Variants in MYT1L observed in about 807,000 individuals in gnomAD.
MYT1L encodes myelin transcription factor 1-like protein.
In MYT1L, 12 loss-of-function variants were observed where a neutral mutation model predicts 126.7. The ratio of observed to expected loss-of-function variants is 0.09; its 90% CI spans 0.06 to 0.15. The LOEUF (loss-of-function observed/expected upper bound fraction) is 0.15. Among genes scored for constraint, MYT1L ranks in the 10% least tolerant of loss-of-function variants. MYT1L has a pLI of 1.00. For missense variants in MYT1L, 979 were observed against 1,585.2 expected (o/e 0.62, Z 6.49); for synonymous variants, 541 against 604.2 (o/e 0.90, Z 1.53).
chr2:1,875,793 C>T (rs769028202), intron 18 of MYT1L, among the ~76,000 whole-genome samples: 20 of 152,174 alleles, frequency 1.3e-4, no homozygotes, highest in Non-Finnish European at 2.6e-4. Flanking sequence ...ACCTAAGCCT[C>T]GGCCTGCTTT....
intron 3 of MYT1L, among the ~76,000 whole-genome samples, chr2:2,070,403 C>T (rs1376086400): frequency 6.6e-6 from 1 of 152,176 alleles, no homozygotes; most frequent in Non-Finnish European, 1.5e-5. Flanking sequence ...TGGGGGAAGC[C>T]ACTCTTGCTT....
chr2:1,851,460 G>A (rs996427788), intron 19 of MYT1L, among the ~76,000 whole-genome samples, 181 bp downstream of exon 19: 1 of 152,196 alleles, frequency 6.6e-6, no homozygotes, highest in Non-Finnish European at 1.5e-5. Context: ...GAAAAGGAAG[G>A]TTTGCTTTCT....
At chr2:1,980,153 T>C (rs2060493112) in intron 5 of MYT1L, among the ~76,000 whole-genome samples, 1 of 148,668 alleles carries the variant, frequency 6.7e-6, no homozygotes, top group African/African-American at 2.4e-5. Flanking sequence ...TATAAGAAGG[T>C]AAATATATAT....
intron 2 of MYT1L, among the ~76,000 whole-genome samples, chr2:2,177,937 C>G (rs2091005511): frequency 6.6e-6 from 1 of 152,168 alleles, no homozygotes; most frequent in Non-Finnish European, 1.5e-5. Context: ...AGTGTGGACA[C>G]AGACCCAGTG....
intron 2 of MYT1L, among the ~76,000 whole-genome samples, chr2:2,240,375 T>C (rs2149132923): frequency 6.6e-6 from 1 of 152,046 alleles, no homozygotes; most frequent in African/African-American, 2.4e-5. Context: ...CTTTAAAAAG[T>C]ATGGTAACAC....
In MYT1L at chr2:2,266,815, G is replaced by T. The variant is rs115396271; in HGVS notation, c.-421+17589C>A. Among the ~76,000 whole-genome samples the T allele has an allele frequency of 2.3e-3, 353 of 152,258 alleles. 3 individuals are homozygous for T. The highest frequency in any genetic ancestry group is 8.1e-3 in the African/African-American group (337 of 41,560). On this transcript the variant is annotated intron_variant, in intron 2 of 24. Transcript: ENST00000647738. The stretch of plus-strand genomic sequence containing the variant: ...GGTTTTATAAGGGCTTTCCCCTTTT[G>T]CTTGCCTCTCCTTCTCTTGTCTGCT...
At chr2:2,216,209 C>A (rs1190455875) in intron 2 of MYT1L, among the ~76,000 whole-genome samples, 1 of 152,100 alleles carries the variant, frequency 6.6e-6, no homozygotes, top group Non-Finnish European at 1.5e-5. Flanking sequence ...TCAGGTATTT[C>A]TTTATAGAAT....
chr2:2,070,658 C>T (rs2074495067), intron 3 of MYT1L, among the ~76,000 whole-genome samples: 1 of 152,178 alleles, frequency 6.6e-6, no homozygotes, highest in South Asian at 2.1e-4. Flanking sequence ...CCTGACATGT[C>T]TCTCAAATTC....
rs114522161 is a variant in MYT1L, at chr2:2,296,337, A to T, written c.-520-11834T>A. Among the ~76,000 whole-genome samples, 627 of 152,302 alleles carry T rather than the reference A, an allele frequency of 4.1e-3. 3 individuals are homozygous for T. Among genetic ancestry groups the T allele is most frequent in the African/African-American group, 0.015 (604 of 41,558 alleles). ...TAAACAATGCTTGGCCTGTTTGGTA[A>T]AGTGTCACTAGTCCCATTTAGATCA... On this transcript the variant is annotated intron_variant, in intron 1 of 24. Coordinates refer to ENST00000647738, the MANE Select transcript of MYT1L (RefSeq NM_001303052.2).
intron 18 of MYT1L, among the ~76,000 whole-genome samples, chr2:1,875,570 G>C (rs1457542632): frequency 6.6e-6 from 1 of 152,220 alleles, no homozygotes; most frequent in African/African-American, 2.4e-5. Flanking sequence ...TCTCTGAGGA[G>C]AAGGCGAGTG....
chr2:1,850,838 C>T (rs1015695373), intron 19 of MYT1L, among the ~76,000 whole-genome samples: 4 of 152,070 alleles, frequency 2.6e-5, no homozygotes, highest in Non-Finnish European at 1.5e-5. Flanking sequence ...TCCACTGACC[C>T]CAATCTGCTC....
chr2:2,308,834 T>A (rs923161317), intron 1 of MYT1L, among the ~76,000 whole-genome samples: 2 of 151,894 alleles, frequency 1.3e-5, no homozygotes, highest in Non-Finnish European at 2.9e-5. Flanking sequence ...ACTCCAGCTA[T>A]GCTTCAGTAC....
intron 14 of MYT1L, among the ~76,000 whole-genome samples, chr2:1,892,698 G>T (rs570190099): frequency 6.6e-5 from 10 of 151,970 alleles, no homozygotes; most frequent in African/African-American, 1.2e-4. Context: ...GGCCCTAAGC[G>T]TGAGTGGGGC....
chr2:2,126,409 G>A (rs1003750643), intron 3 of MYT1L, among the ~76,000 whole-genome samples: 1 of 152,090 alleles, frequency 6.6e-6, no homozygotes, highest in African/African-American at 2.4e-5. Context: ...TTGGAAATCC[G>A]CCATGTGTTC....
At chr2:2,233,163 C>A (rs958430208) in intron 2 of MYT1L, among the ~76,000 whole-genome samples, 1 of 152,232 alleles carries the variant, frequency 6.6e-6, no homozygotes, top group Non-Finnish European at 1.5e-5. Context: ...GCACATTTCA[C>A]ATCTTGGAAA....
intron 2 of MYT1L, among the ~76,000 whole-genome samples, chr2:2,188,016 G>A (rs77657792): frequency 0.036 from 5,490 of 152,088 alleles, 339 homozygotes; most frequent in African/African-American, 0.13. Context: ...AATGTTCAGT[G>A]CAAAATATTT....
At chr2:2,088,178 C>G (rs1177385932) in intron 3 of MYT1L, among the ~76,000 whole-genome samples, 1 of 152,128 alleles carries the variant, frequency 6.6e-6, no homozygotes, top group Admixed American at 6.5e-5. Flanking sequence ...GGGGAAAGGC[C>G]GTGTGTGAAG....
chr2:2,010,941 G>A (rs765383480), intron 4 of MYT1L, among the ~76,000 whole-genome samples: 8 of 152,114 alleles, frequency 5.3e-5, no homozygotes, highest in Non-Finnish European at 8.8e-5. Flanking sequence ...TTAACCAACC[G>A]GATATCCCCA....
chr2:1,931,188 C>T (rs1293727791), intron 9 of MYT1L, among the ~76,000 whole-genome samples: 22 of 152,190 alleles, frequency 1.4e-4, no homozygotes, highest in Admixed American at 1.4e-3. Context: ...CCAGGTTGGG[C>T]CTTCCCTCTG....
Sources: gnomAD v4.1 joint callset for allele counts (sites outside exome capture counted in the v4.1 genomes callset) on GRCh38, gnomAD v4.1.1 for gene constraint, MANE v1.5 for transcripts, NCBI Gene and HGNC (gene_info 2026-07-23, HGNC 2026-07-21) for gene names.